KCNIP4: variants seen among roughly 807,000 people sequenced by gnomAD.
KCNIP4 encodes Kv channel-interacting protein 4.
In KCNIP4, 12 loss-of-function variants were observed where a neutral mutation model predicts 34.0. That is an observed-to-expected ratio of 0.35 (90% CI 0.23 to 0.57). The LOEUF (loss-of-function observed/expected upper bound fraction) is 0.57. Ranked by LOEUF, KCNIP4 falls within the 20% of genes least tolerant of loss-of-function variation. The probability of loss-of-function intolerance (pLI) is 0.83; values close to 1 mark genes in which losing one functional copy is unlikely to be tolerated. For missense variants in KCNIP4, 238 were observed against 311.7 expected (o/e 0.76, Z 1.78); for synonymous variants, 124 against 102.2 (o/e 1.21, Z -1.29).
intron 1 of KCNIP4, among the ~76,000 whole-genome samples, chr4:21,743,060 T>C (rs563048415): frequency 6.6e-6 from 1 of 152,300 alleles, no homozygotes; most frequent in East Asian, 1.9e-4. Context: ...ATATAATCAG[T>C]GGTCACCAAG....
chr4:21,555,039 C>G (rs754244403), intron 1 of KCNIP4, among the ~76,000 whole-genome samples: 1 of 152,088 alleles, frequency 6.6e-6, no homozygotes, highest in African/African-American at 2.4e-5. Flanking sequence ...ACATTAGCAT[C>G]AGGACACAAT....
chr4:21,817,852 G>A (rs537798689), intron 1 of KCNIP4, among the ~76,000 whole-genome samples: 48 of 152,210 alleles, frequency 3.2e-4, no homozygotes, highest in Non-Finnish European at 4.7e-4. Flanking sequence ...TATGTGCACC[G>A]CTGAACACAG....
intron 1 of KCNIP4, among the ~76,000 whole-genome samples, chr4:21,766,104 A>G (rs1336723571): frequency 6.6e-6 from 1 of 152,096 alleles, no homozygotes; most frequent in Non-Finnish European, 1.5e-5. Context: ...ACAGGAATGC[A>G]GAAGAAGGTG....
intron 1 of KCNIP4, among the ~76,000 whole-genome samples, chr4:21,073,833 G>A (rs914120789): frequency 2.6e-5 from 4 of 152,146 alleles, no homozygotes; most frequent in Non-Finnish European, 5.9e-5. Flanking sequence ...TTTATTGAGA[G>A]TTTTTAGCAT....
intron 5 of KCNIP4, among the ~76,000 whole-genome samples, chr4:20,737,070 A>C (rs541131535): frequency 6.6e-6 from 1 of 152,330 alleles, no homozygotes; most frequent in African/African-American, 2.4e-5. Flanking sequence ...AATAATCTCA[A>C]TATATGGTGC....
At chr4:21,615,356 C>T (rs958400428) in intron 1 of KCNIP4, among the ~76,000 whole-genome samples, 3 of 149,244 alleles carry the variant, frequency 2.0e-5, no homozygotes, top group East Asian at 2.0e-4. Context: ...CTGGCTAACA[C>T]GGTGAAACCC....
At chr4:21,429,013 G>T (rs1332835611) in intron 1 of KCNIP4, among the ~76,000 whole-genome samples, 1 of 151,994 alleles carries the variant, frequency 6.6e-6, no homozygotes, top group Non-Finnish European at 1.5e-5. Flanking sequence ...TTACATTAGG[G>T]TTCATGCTTG....
At chr4:21,944,851 T>C (rs1386234090) in intron 1 of KCNIP4, among the ~76,000 whole-genome samples, 1 of 114,292 alleles carries the variant, frequency 8.7e-6, no homozygotes, top group African/African-American at 4.4e-5. Context: ...TGAATACTTT[T>C]GGAATGAAAT....
In KCNIP4 at chr4:21,915,548, A is replaced by T. The variant is rs112377702; in HGVS notation, c.61+33023T>A. On this transcript the variant is annotated intron_variant, in intron 1 of 8. Transcript: ENST00000382152. ...CTTTCTCCTCCAAACCTCCACAATC[A>T]TCATATATGTTTTTATCAATTCTTC... is the stretch of plus-strand genomic sequence containing the variant. Among the ~76,000 whole-genome samples, 1,116 of 152,286 alleles carry T rather than the reference A, an allele frequency of 7.3e-3. 13 individuals are homozygous for T. Among genetic ancestry groups the T allele is most frequent in the African/African-American group, 0.025 (1,054 of 41,562 alleles).
intron 1 of KCNIP4, among the ~76,000 whole-genome samples, chr4:21,155,808 G>A (rs1256359044): frequency 6.6e-6 from 1 of 152,152 alleles, no homozygotes; most frequent in African/African-American, 2.4e-5. Flanking sequence ...GTAAACGTTG[G>A]CAGAGGAGGG....
chr4:21,578,246 T>C (rs1452899466), intron 1 of KCNIP4, among the ~76,000 whole-genome samples: 2 of 147,112 alleles, frequency 1.4e-5, no homozygotes, highest in Non-Finnish European at 3.0e-5. Flanking sequence ...AGGCAGAGAA[T>C]TGCCTGAACC....
chr4:20,994,738 G>A (rs924094253), intron 1 of KCNIP4, among the ~76,000 whole-genome samples: 3 of 152,188 alleles, frequency 2.0e-5, no homozygotes, highest in Non-Finnish European at 4.4e-5. Flanking sequence ...GCATTCGCAT[G>A]TTATCAGTCC....
At chr4:20,817,173 G>A (rs962274491) in intron 3 of KCNIP4, among the ~76,000 whole-genome samples, 1 of 152,170 alleles carries the variant, frequency 6.6e-6, no homozygotes, top group Non-Finnish European at 1.5e-5. Flanking sequence ...ATGTGTTGTG[G>A]GAATTTAAAT....
intron 1 of KCNIP4, among the ~76,000 whole-genome samples, chr4:21,686,433 T>G (rs1750807380): frequency 6.6e-6 from 1 of 152,162 alleles, no homozygotes; most frequent in South Asian, 2.1e-4. Context: ...TTTCTAATAT[T>G]AATTTATTAG....
intron 1 of KCNIP4, among the ~76,000 whole-genome samples, chr4:21,000,343 T>G (rs912248623): frequency 1.3e-5 from 2 of 151,524 alleles, no homozygotes; most frequent in African/African-American, 4.9e-5. Flanking sequence ...AAAGCATAGA[T>G]CAAGTCATGT....
chr4:20,751,328 T>C (rs563694774), intron 4 of KCNIP4, among the ~76,000 whole-genome samples: 132 of 152,292 alleles, frequency 8.7e-4, no homozygotes, highest in African/African-American at 2.8e-3. Context: ...GAAGAAATTC[T>C]TTTGCATATG....
intron 1 of KCNIP4, among the ~76,000 whole-genome samples, chr4:21,574,016 T>C (rs77486194): frequency 0.039 from 5,918 of 152,144 alleles, 378 homozygotes; most frequent in African/African-American, 0.13. Flanking sequence ...GAAGAGAATT[T>C]GGGAGATAAT....
chr4:21,363,940 C>T (rs1719470134), intron 1 of KCNIP4, among the ~76,000 whole-genome samples: 1 of 152,146 alleles, frequency 6.6e-6, no homozygotes, highest in African/African-American at 2.4e-5. Context: ...TCGAGTACCA[C>T]TGTGAGCCCC....
At chr4:21,851,523 T>C (rs557748376) in intron 1 of KCNIP4, 3 of 152,244 alleles carry the variant, frequency 2.0e-5, no homozygotes, top group African/African-American at 7.2e-5. Context: ...AATAGATCCA[T>C]GAAGCCAAAC....
Sources: gnomAD v4.1 joint callset for allele counts (sites outside exome capture counted in the v4.1 genomes callset) on GRCh38, gnomAD v4.1.1 for gene constraint, MANE v1.5 for transcripts, NCBI Gene and HGNC (gene_info 2026-07-23, HGNC 2026-07-21) for gene names.